CDH9: variants seen among roughly 807,000 people sequenced by gnomAD.
CDH9 encodes cadherin-9.
In CDH9, 28 loss-of-function variants were observed where a neutral mutation model predicts 70.9. The observed-to-expected ratio is 0.40, with a 90% CI of 0.29 to 0.54. CDH9 has a LOEUF of 0.54. Among genes scored for constraint, CDH9 ranks in the 20% least tolerant of loss-of-function variants. CDH9 has a pLI of 0.59. For synonymous variants in CDH9, 409 were observed against 343.1 expected (o/e 1.19, Z -2.12); for missense variants, 874 against 984.4 (o/e 0.89, Z 1.50).
chr5:26,900,557 A>G (rs868787356), intron 7 of CDH9, among the ~76,000 whole-genome samples: 8 of 152,226 alleles, frequency 5.3e-5, no homozygotes, highest in South Asian at 2.1e-4. Context: ...GAATGAAGAA[A>G]AGATAACATG....
chr5:26,989,780 G>T (rs1353654424), intron 1 of CDH9, among the ~76,000 whole-genome samples: 1 of 152,042 alleles, frequency 6.6e-6, no homozygotes, highest in Non-Finnish European at 1.5e-5. Context: ...AGGTATAAAG[G>T]TCAAATATAA....
intron 2 of CDH9, among the ~76,000 whole-genome samples, chr5:26,954,611 C>T (rs1162774268): frequency 6.6e-6 from 1 of 151,800 alleles, no homozygotes; most frequent in Non-Finnish European, 1.5e-5. Flanking sequence ...GTCTCAATCT[C>T]CTGACCTCGT....
chr5:26,998,338 A>G (rs1201833882), intron 1 of CDH9, among the ~76,000 whole-genome samples: 1 of 152,234 alleles, frequency 6.6e-6, no homozygotes, highest in Non-Finnish European at 1.5e-5. Flanking sequence ...CCAAATGTCC[A>G]TCAATGATAG....
intron 7 of CDH9, among the ~76,000 whole-genome samples, chr5:26,900,327 C>A (rs1179119750): frequency 6.6e-6 from 1 of 152,062 alleles, no homozygotes; most frequent in Non-Finnish European, 1.5e-5. Context: ...ATATATCCTA[C>A]TGTATTCTAT....
At chr5:26,918,509 TA>T (rs1294553779) in intron 2 of CDH9, among the ~76,000 whole-genome samples, 2 of 152,230 alleles carry the variant, frequency 1.3e-5, no homozygotes, top group Non-Finnish European at 2.9e-5. Flanking sequence ...TTCCTCTTTT[TA>T]AAACTAACTT....
intron 1 of CDH9, among the ~76,000 whole-genome samples, chr5:27,032,740 A>G (rs1025925868): frequency 6.6e-6 from 1 of 151,720 alleles, no homozygotes; most frequent in East Asian, 2.0e-4. Context: ...CATTTTTAAT[A>G]TAAAGTAAAT....
At chr5:26,968,584 T>G (rs907449093) in intron 2 of CDH9, among the ~76,000 whole-genome samples, 1 of 152,110 alleles carries the variant, frequency 6.6e-6, no homozygotes, top group African/African-American at 2.4e-5. Flanking sequence ...GAATAGTTAT[T>G]ATCTCAAGTA....
In CDH9 at chr5:26,899,122, C is replaced by T. The variant is rs1481181485; in HGVS notation, c.1253+3354G>A. On this transcript the variant is annotated intron_variant, in intron 7 of 11. Transcript: ENST00000231021. ...AATGCAAATCAAAACCACAATGAGA[C>T]ACCATCTCCATCAATTAGAATGGCA... is the stretch of plus-strand genomic sequence containing the variant. Among the ~76,000 whole-genome samples the T allele has an allele frequency of 2.6e-5, 4 of 152,120 alleles. No individual in the cohort carries two copies. In the East Asian group the frequency reaches 7.7e-4, roughly 29 times the overall value.
intron 1 of CDH9, among the ~76,000 whole-genome samples, chr5:27,001,466 T>G (rs192175583): frequency 8.5e-5 from 13 of 152,254 alleles, no homozygotes; most frequent in African/African-American, 2.9e-4. Flanking sequence ...TGTGGGAATT[T>G]ACAGATAACC....
At chr5:26,982,029 C>T (rs957541369) in intron 2 of CDH9, among the ~76,000 whole-genome samples, 1 of 152,092 alleles carries the variant, frequency 6.6e-6, no homozygotes, top group Non-Finnish European at 1.5e-5. Context: ...GATAATGTCA[C>T]TTCTGTCACT....
At chr5:26,994,488 T>G (rs1045869205) in intron 1 of CDH9, among the ~76,000 whole-genome samples, 1 of 152,086 alleles carries the variant, frequency 6.6e-6, no homozygotes, top group Non-Finnish European at 1.5e-5. Flanking sequence ...TAAAAGGACA[T>G]GAAGGTACCT....
chr5:26,977,096 C>T (rs986756175), intron 2 of CDH9, among the ~76,000 whole-genome samples: 2 of 151,750 alleles, frequency 1.3e-5, no homozygotes, highest in Non-Finnish European at 2.9e-5. Flanking sequence ...AGAAACAGTC[C>T]ATCTTCAAAT....
intron 2 of CDH9, among the ~76,000 whole-genome samples, chr5:26,971,191 C>T (rs1377672920): frequency 1.3e-5 from 2 of 152,082 alleles, no homozygotes; most frequent in Non-Finnish European, 2.9e-5. Flanking sequence ...TTTATGATTC[C>T]AGCATCATTC....
Position 26,902,594 on chromosome 5 carries a change from C to T in CDH9, c.1135G>A (p.Glu379Lys). 1.2e-6 allele frequency: 2 copies of T among 1,601,518 alleles called. No individual in the cohort carries two copies. Among genetic ancestry groups the T allele is most frequent in the Admixed American group, 1.7e-5 (1 of 59,862 alleles). The change falls in exon 7 of 12, where the codon GAG (glutamate) becomes AAG (lysine). Residue 379 changes from glutamate (E) to lysine (K), a missense_variant. Coordinates refer to ENST00000231021, the MANE Select transcript of CDH9 (RefSeq NM_016279.4). ...VVKISVEDIDEPPVFTKVSYL... is the reference protein window; with the variant it reads ...VVKISVEDIDKPPVFTKVSYL... The stretch of plus-strand genomic sequence containing the variant: ...GAGACTTTAGTGAACACAGGAGGCT[C>T]ATCTATATCTTCCACAGATATTTTG...
chr5:26,941,210 C>T (rs1741656722), intron 2 of CDH9, among the ~76,000 whole-genome samples: 1 of 152,150 alleles, frequency 6.6e-6, no homozygotes, highest in Non-Finnish European at 1.5e-5. Flanking sequence ...AATAATCAGT[C>T]CACCTGATTC....
At chr5:27,006,233 A>G (rs1742863861) in intron 1 of CDH9, among the ~76,000 whole-genome samples, 1 of 152,210 alleles carries the variant, frequency 6.6e-6, no homozygotes, top group Admixed American at 6.6e-5. Flanking sequence ...AGGTTTAGAT[A>G]AACACATTTA....
chr5:27,032,652 G>A (rs1049877436), intron 1 of CDH9, among the ~76,000 whole-genome samples: 1 of 151,478 alleles, frequency 6.6e-6, no homozygotes, highest in Non-Finnish European at 1.5e-5. Flanking sequence ...AGGAGTGGTA[G>A]TAATAAAATA....
intron 11 of CDH9, among the ~76,000 whole-genome samples, chr5:26,882,992 T>A (rs1039198197): frequency 7.1e-6 from 1 of 141,622 alleles, no homozygotes; most frequent in African/African-American, 2.6e-5. Context: ...TATCTGTAGT[T>A]AGCCTTCACA....
At chr5:26,968,239 G>A (rs1742161047) in intron 2 of CDH9, among the ~76,000 whole-genome samples, 1 of 152,046 alleles carries the variant, frequency 6.6e-6, no homozygotes, top group Admixed American at 6.6e-5. Context: ...GAAATCCAGA[G>A]ACGATTACAG....
Sources: gnomAD v4.1 joint callset for allele counts (sites outside exome capture counted in the v4.1 genomes callset) on GRCh38, gnomAD v4.1.1 for gene constraint, MANE v1.5 for transcripts, NCBI Gene and HGNC (gene_info 2026-07-23, HGNC 2026-07-21) for gene names.